DHX37: variants seen among roughly 807,000 people sequenced by gnomAD.
DHX37 encodes DEAH-box helicase 37.
A neutral mutation model predicts 134.3 loss-of-function variants in DHX37; 52 were observed. The observed-to-expected ratio is 0.39, with a 90% CI of 0.31 to 0.49. The LOEUF (loss-of-function observed/expected upper bound fraction) is 0.49, where lower values mean the gene tolerates loss of function less well. Ranked by LOEUF, DHX37 falls within the 20% of genes least tolerant of loss-of-function variation. The probability of loss-of-function intolerance (pLI) is 0.93; values close to 1 mark genes in which losing one functional copy is unlikely to be tolerated. For missense variants in DHX37, 1,344 were observed against 1,580.8 expected (o/e 0.85, Z 2.54); for synonymous variants, 634 against 670.7 (o/e 0.95, Z 0.85).
At chr12:124,984,358 C>G (rs921723482) in intron 2 of DHX37, among the ~76,000 whole-genome samples, 8 of 152,056 alleles carry the variant, frequency 5.3e-5, no homozygotes, top group African/African-American at 1.9e-4. Flanking sequence ...CATGGAGAAA[C>G]CCTGTCTCTA....
At position 124,980,579 on chromosome 12, in the gene DHX37, G is replaced by C; in HGVS notation, c.649C>G (p.Pro217Ala). The change falls in exon 4 of 27, where the codon CCT becomes GCT. Residue 217 changes from proline to alanine, a missense_variant. Physicochemically the swap from Pro to Ala is conservative, Grantham distance 27 (BLOSUM62 -1). Transcript: ENST00000308736. The surrounding 1 kb of genome is among the most constrained non-coding windows in gnomAD (Gnocchi z 5.3). Reference protein sequence around the residue: ...SQPVPAGMTVPPPPAAAPPLP... With the variant: ...SQPVPAGMTVAPPPAAAPPLP... ...GGTGGGGCTGCAGCTGGAGGAGGAG[G>C]AACAGTCATCCCAGCCGGCACGGGC... 1.2e-6 allele frequency: 2 copies of C among 1,611,386 alleles called. No homozygotes were observed. Among genetic ancestry groups the C allele is most frequent in the Non-Finnish European group, 1.7e-6 (2 of 1,179,774 alleles).
intron 16 of DHX37, among the ~76,000 whole-genome samples, chr12:124,959,042 T>C (rs1359341102): frequency 7.7e-6 from 1 of 130,392 alleles, no homozygotes; most frequent in African/African-American, 4.0e-5. Flanking sequence ...CCCAAGTAGC[T>C]GGGATTATAG....
chr12:124,987,969 C>T (rs1054561531), intron 1 of DHX37, among the ~76,000 whole-genome samples: 1 of 150,756 alleles, frequency 6.6e-6, no homozygotes, highest in Non-Finnish European at 1.5e-5. Flanking sequence ...TGCCTCAACT[C>T]CCAGCCTGTC....
At chr12:124,961,230 A>ACACACGCGTGCACGCACG (rs1954244573) in intron 15 of DHX37, among the ~76,000 whole-genome samples, 1 of 111,730 alleles carries the variant, frequency 9.0e-6, no homozygotes, top group African/African-American at 5.2e-5. Flanking sequence ...ACACGCACGC[A>ACACACGCGTGCACGCACG]CACACACATA....
At chr12:124,984,211 G>A (rs1954819591) in intron 2 of DHX37, among the ~76,000 whole-genome samples, 1 of 152,166 alleles carries the variant, frequency 6.6e-6, no homozygotes, top group African/African-American at 2.4e-5. Flanking sequence ...TGTACAAAAA[G>A]CTCAGATGGC....
intron 18 of DHX37, among the ~76,000 whole-genome samples, chr12:124,954,725 C>T (rs753283958): frequency 3.3e-4 from 50 of 152,144 alleles, no homozygotes; most frequent in Admixed American, 5.9e-4. Flanking sequence ...TAATAAAAAA[C>T]TCTGCAAACT....
rs1954748036 is a variant in DHX37, at chr12:124,980,977, C to T, written c.390-139G>A. 1 of 875,180 alleles carries T rather than the reference C, an allele frequency of 1.1e-6. No homozygotes were observed. Among genetic ancestry groups the T allele is most frequent in the African/African-American group, 1.7e-5 (1 of 58,512 alleles). The allele number at this position is 875,180 out of a possible 1,614,324, so 54.2% of individuals were successfully genotyped here. A position where few individuals can be genotyped will look rare whatever the true frequency, so the allele number is the denominator to read the frequency against. On this transcript the variant is annotated intron_variant, in intron 3 of 26. Coordinates refer to ENST00000308736, the MANE Select transcript of DHX37 (RefSeq NM_032656.4). This position sits in a 1 kb window ranked among gnomAD's most constrained non-coding sequence, Gnocchi z 5.3. ...CCTGAAATGCCCTTCCTGCAGATAC[C>T]TCCTCTCACTCCACTTAAGCCTCTG... is the stretch of plus-strand genomic sequence containing the variant.
chr12:124,953,664 G>A lies in DHX37; in HGVS notation c.2695+216C>T, dbSNP rs1239988618. ...CCGAGCGACGACCTGGTGGGGGAGGGTGCAGGCTGGCAGCTCGAATCTGTT... is the reference window on the plus strand; with the variant it reads ...CCGAGCGACGACCTGGTGGGGGAGGATGCAGGCTGGCAGCTCGAATCTGTT... On this transcript the variant is annotated intron_variant, in intron 20 of 26. Transcript: ENST00000308736. 4 of 790,360 alleles carry A rather than the reference G, an allele frequency of 5.1e-6. No homozygotes were observed. In the African/African-American group the frequency reaches 7.0e-5, roughly 14 times the overall value. The allele number at this position is 790,360 out of a possible 1,614,324, so 49.0% of individuals were successfully genotyped here.
At chr12:124,961,316 T>C (rs568009587) in intron 15 of DHX37, among the ~76,000 whole-genome samples, 1 of 134,490 alleles carries the variant, frequency 7.4e-6, no homozygotes, top group African/African-American at 3.4e-5. Flanking sequence ...GCACACACAC[T>C]TACATACACA....
At chr12:124,948,259 AG>A in intron 25 of DHX37, 78 bp from the exon 26 acceptor site, 1 of 1,529,832 alleles carries the variant, frequency 6.5e-7, no homozygotes, top group Non-Finnish European at 8.8e-7. Context: ...AAAGCAGGGC[AG>A]GCATCACCAC....
At chr12:124,961,123 CTATT>C (rs1954231186) in intron 15 of DHX37, among the ~76,000 whole-genome samples, 2 of 152,248 alleles carry the variant, frequency 1.3e-5, no homozygotes, top group Admixed American at 1.3e-4. Flanking sequence ...AGCAATAAAG[CTATT>C]TATTACATAC....
chr12:124,971,528 T>A (rs912773441), intron 7 of DHX37, 113 bp from the exon 8 acceptor site: 2 of 1,485,784 alleles, frequency 1.3e-6, no homozygotes, highest in Non-Finnish European at 1.8e-6. Context: ...CAGCTGCTCT[T>A]CATCAGAGGT....
In DHX37 at chr12:124,952,542, G is replaced by A; in HGVS notation, c.2724C>T (p.Leu908=). ...GCGGCTGCATCTTGGGATCCACGAAGAGCTCAGCCTCGGGGCACACGGCAT... is the reference window on the plus strand; with the variant it reads ...GCGGCTGCATCTTGGGATCCACGAAAAGCTCAGCCTCGGGGCACACGGCAT... ...AVNAVCPEAE[L]FVDPKMQPPT... Residue 908 remains leucine (L), a synonymous_variant, in exon 21 of 27, where the codon CTC becomes CTT. Transcript: ENST00000308736. The A allele has an allele frequency of 6.3e-7, 1 of 1,599,876 alleles. No individual in the cohort carries two copies. The highest frequency in any genetic ancestry group is 1.1e-5 in the South Asian group (1 of 90,498).
rs925895053 is a variant in DHX37 at position 124,980,987 on chromosome 12, T to A, written c.390-149A>T. 6 of 824,798 alleles carry A rather than the reference T, an allele frequency of 7.3e-6. No homozygotes were observed. The Admixed American group carries it at 1.5e-4, about 20-fold the overall frequency. 51.1% of individuals were successfully genotyped at this position (824,798 alleles called of 1,614,324 possible). ...CCTTCCTGCAGATACCTCCTCTCACTCCACTTAAGCCTCTGCTTAAGCACT... is the reference window on the plus strand; with the variant it reads ...CCTTCCTGCAGATACCTCCTCTCACACCACTTAAGCCTCTGCTTAAGCACT... On this transcript the variant is annotated intron_variant, in intron 3 of 26. Coordinates refer to ENST00000308736, the MANE Select transcript of DHX37 (RefSeq NM_032656.4). The surrounding 1 kb of genome is among the most constrained non-coding windows in gnomAD (Gnocchi z 5.3).
At chr12:124,959,167 G>A (rs1439335264) in intron 16 of DHX37, among the ~76,000 whole-genome samples, 2 of 145,974 alleles carry the variant, frequency 1.4e-5, no homozygotes, top group African/African-American at 5.2e-5. Flanking sequence ...TCCGCCTCCC[G>A]GGTTCAAGTG....
In DHX37 at chr12:124,964,380, C is replaced by G. The variant is rs1288977833; in HGVS notation, c.2045+14G>C. 2 of 1,612,268 alleles carry G rather than the reference C, an allele frequency of 1.2e-6. No homozygotes were observed. Among genetic ancestry groups the G allele is most frequent in the Admixed American group, 1.7e-5 (1 of 59,936 alleles). ...CGGCACCAACGTCCCTGAGGAGGAG[C>G]CTGGGTGACCCACCTGTAGCAGTGG... On this transcript the variant is annotated intron_variant, in intron 15 of 26. Transcript: ENST00000308736.
chr12:124,946,885 A>G lies in DHX37; in HGVS notation c.*917T>C, dbSNP rs1953888910. 6.6e-6 allele frequency: 1 copy of G among 152,292 alleles called. No individual in the cohort carries two copies. The highest frequency in any genetic ancestry group is 1.5e-5 in the Non-Finnish European group (1 of 68,076). The allele number at this position is 152,292 out of a possible 1,614,324, so 9.4% of individuals were successfully genotyped here. A position where few individuals can be genotyped will look rare whatever the true frequency, so the allele number is the denominator to read the frequency against. On this transcript the variant is annotated 3_prime_UTR_variant, in exon 27 of 27. Transcript: ENST00000308736. ...CCACCGAAGCCGCAGAAGCAAAGCC[A>G]GGAGCAGAATCCATTCTGCCAGCGC...
chr12:124,961,272 G>GTGCACGCACACACACACTTACACGCT (rs1954252819), intron 15 of DHX37, among the ~76,000 whole-genome samples: 1 of 90,842 alleles, frequency 1.1e-5, no homozygotes, highest in Non-Finnish European at 2.1e-5. Context: ...ACATACACGC[G>GTGCACGCACACACACACTTACACGCT]TGCACGCACA....
Position 124,980,778 on chromosome 12 carries a change from G to A in DHX37, c.450C>T (p.His150=). Residue 150 remains histidine (H), a synonymous_variant, in exon 4 of 27, where the codon CAC becomes CAT. Coordinates refer to ENST00000308736, the MANE Select transcript of DHX37 (RefSeq NM_032656.4). This position sits in a 1 kb window ranked among gnomAD's most constrained non-coding sequence, Gnocchi z 5.3. ...CTGAGGGCCAGCGGCGACGCTTCCG[G>A]TGGGCACCGCTGAGGCTACTGATCT... is the stretch of plus-strand genomic sequence containing the variant. ...QEKISSLSGA[H]RKRRRWPSAE... 6.4e-7 allele frequency: 1 copy of A among 1,557,310 alleles called. No homozygotes were observed. The highest frequency in any genetic ancestry group is 1.2e-5 in the South Asian group (1 of 85,768).
Sources: gnomAD v4.1 joint callset for allele counts (sites outside exome capture counted in the v4.1 genomes callset) on GRCh38, gnomAD v4.1.1 for gene constraint, Gnocchi (gnomAD v3.1) non-coding constraint, MANE v1.5 for transcripts, NCBI Gene and HGNC (gene_info 2026-07-23, HGNC 2026-07-21) for gene names.